Variants in PHC3 observed in about 807,000 individuals in gnomAD.
The protein encoded by PHC3 is polyhomeotic-like protein 3.
PHC3 carries 13 observed loss-of-function variants against 107.4 expected under a neutral mutation model. That is an observed-to-expected ratio of 0.12 (90% CI 0.08 to 0.19). PHC3 has a LOEUF of 0.19. PHC3 is among the 10% of genes least tolerant of loss of function. The pLI is 1.00. For missense variants in PHC3, 992 were observed against 1,210.9 expected (o/e 0.82, Z 2.68); for synonymous variants, 456 against 427.4 (o/e 1.07, Z -0.83).
intron 9 of PHC3, 59 bp from the exon 10 acceptor site, chr3:170,117,535 G>A: frequency 6.6e-7 from 1 of 1,517,058 alleles, no homozygotes; most frequent in Non-Finnish European, 8.9e-7. Context: ...CCAAGCAAAT[G>A]AAAGAGAATT....
intron 4 of PHC3, chr3:170,169,818 TAAAG>T (rs1729310059): frequency 6.6e-6 from 1 of 152,202 alleles, no homozygotes; most frequent in South Asian, 2.1e-4. Context: ...TTTCACAGAA[TAAAG>T]AATTTGTCTA....
intron 4 of PHC3, among the ~76,000 whole-genome samples, chr3:170,167,751 C>T (rs1577248587): frequency 7.9e-6 from 1 of 126,886 alleles, no homozygotes; most frequent in East Asian, 2.4e-4. Context: ...CAGAGCAAGG[C>T]TTCATCTCAA....
intron 4 of PHC3, among the ~76,000 whole-genome samples, chr3:170,162,082 G>A (rs896882350): frequency 2.0e-5 from 3 of 152,158 alleles, no homozygotes; most frequent in African/African-American, 7.2e-5. Context: ...TTGGCAGGCA[G>A]GGAAGTTAAA....
intron 2 of PHC3, among the ~76,000 whole-genome samples, chr3:170,172,989 A>G (rs1388524338): frequency 1.3e-5 from 2 of 152,034 alleles, no homozygotes; most frequent in African/African-American, 2.4e-5. Flanking sequence ...TCAGGAGATC[A>G]AGACCATCCT....
At chr3:170,159,575 T>C (rs1727519026) in intron 4 of PHC3, among the ~76,000 whole-genome samples, 2 of 152,204 alleles carry the variant, frequency 1.3e-5, no homozygotes, top group South Asian at 4.1e-4. Flanking sequence ...CGTGGATTTG[T>C]TCAGTTTCAC....
At chr3:170,103,577 A>G (rs73030642) in intron 12 of PHC3, among the ~76,000 whole-genome samples, 3,800 of 152,322 alleles carry the variant, frequency 0.025, 143 homozygotes, top group African/African-American at 0.086. Context: ...ATAGACCTTT[A>G]TAAGACATGA....
chr3:170,161,866 C>T (rs145912789), intron 4 of PHC3, among the ~76,000 whole-genome samples: 1,861 of 152,320 alleles, frequency 0.012, 38 homozygotes, highest in African/African-American at 0.042. Flanking sequence ...CAGGGCTCCA[C>T]TCTTATGACT....
At chr3:170,111,301 G>GAAC (rs1717627869) in intron 11 of PHC3, among the ~76,000 whole-genome samples, 3 of 130,988 alleles carry the variant, frequency 2.3e-5, no homozygotes, top group Admixed American at 7.9e-5. Flanking sequence ...AAGGAAGGAA[G>GAAC]GAAGGAAGGA....
At chr3:170,102,213 C>A (rs553278653) in intron 14 of PHC3, 1 of 985,366 alleles carries the variant, frequency 1.0e-6, no homozygotes, top group African/African-American at 1.7e-5. Context: ...GAAGAAAGCA[C>A]CTTTAATATC....
chr3:170,102,243 C>G, intron 14 of PHC3: 1 of 985,374 alleles, frequency 1.0e-6, no homozygotes, highest in Non-Finnish European at 1.2e-6. Context: ...TGAGGTGTCA[C>G]AGCAGAAGCA....
chr3:170,157,868 T>G (rs1260316933), intron 4 of PHC3, among the ~76,000 whole-genome samples: 3 of 151,586 alleles, frequency 2.0e-5, no homozygotes, highest in Non-Finnish European at 4.4e-5. Context: ...TAACTAAAAA[T>G]ATATACAAAT....
At chr3:170,137,012 A>G (rs574943989) in intron 6 of PHC3, among the ~76,000 whole-genome samples, 2 of 152,308 alleles carry the variant, frequency 1.3e-5, no homozygotes, top group East Asian at 3.9e-4. Flanking sequence ...ATATATATAT[A>G]CAGACAGTGT....
chr3:170,094,128 C>T lies in PHC3; in HGVS notation c.*3102G>A, dbSNP rs1473549103. 2 of 152,150 alleles carry T rather than the reference C, an allele frequency of 1.3e-5. No homozygotes were observed. Among genetic ancestry groups the T allele is most frequent in the African/African-American group, 4.8e-5 (2 of 41,428 alleles). 9.4% of individuals were successfully genotyped at this position (152,150 alleles called of 1,614,324 possible). ...AGCATTCAACAGCAAAGTAACAGGA[C>T]CATCAGGGAAATAATATGCTACTTA... On this transcript the variant is annotated 3_prime_UTR_variant, in exon 15 of 15. Coordinates refer to ENST00000495893, the MANE Select transcript of PHC3 (RefSeq NM_024947.4).
intron 5 of PHC3, chr3:170,147,524 C>T (rs1258868970): frequency 6.6e-6 from 1 of 152,276 alleles, no homozygotes; most frequent in South Asian, 2.1e-4. Flanking sequence ...AAAATAGCTG[C>T]ATCTGCATTG....
intron 4 of PHC3, 142 bp from the exon 5 acceptor site, chr3:170,149,386 C>A: frequency 1.5e-6 from 1 of 664,044 alleles, no homozygotes. Flanking sequence ...CTTTGACAGA[C>A]CCCCTCATTT....
chr3:170,151,189 C>A (rs1725910347), intron 4 of PHC3, among the ~76,000 whole-genome samples: 1 of 152,058 alleles, frequency 6.6e-6, no homozygotes, highest in Non-Finnish European at 1.5e-5. Context: ...CCAGCCTGGG[C>A]AACAGAGCGA....
rs1473574809 is a variant in PHC3, at chr3:170,181,720, TCTC to T, written c.-8_-6del. The T allele has an allele frequency of 6.2e-7, 1 of 1,612,678 alleles. No individual in the cohort carries two copies. Among genetic ancestry groups the T allele is most frequent in the Non-Finnish European group, 8.5e-7 (1 of 1,179,774 alleles). ...CACTCACTCCGCTTCCGCCATCTTC[TCTC>T]CTCCATCACTAACATGGGCTGCGCA... is the stretch of plus-strand genomic sequence containing the variant. On this transcript the variant is annotated 5_prime_UTR_variant, in exon 1 of 15. Coordinates refer to ENST00000495893, the MANE Select transcript of PHC3 (RefSeq NM_024947.4).
intron 7 of PHC3, among the ~76,000 whole-genome samples, chr3:170,130,472 A>G (rs1013239518): frequency 6.6e-6 from 1 of 152,202 alleles, no homozygotes; most frequent in African/African-American, 2.4e-5. Context: ...ACGTGTGTGA[A>G]TCCTGTAGCA....
rs758598023 is a variant in PHC3 at position 170,097,229 on chromosome 3, G to A, written c.*1C>T. On this transcript the variant is annotated 3_prime_UTR_variant, in exon 15 of 15. Coordinates refer to ENST00000495893, the MANE Select transcript of PHC3 (RefSeq NM_024947.4). The surrounding 1 kb of genome is among the most constrained non-coding windows in gnomAD (Gnocchi z 4.1). The stretch of plus-strand genomic sequence containing the variant: ...TGTTTTATCAAGGCTTCATGTTCCT[G>A]TTAAGATTCCTTCAGAGAGTTGATG... The A allele has an allele frequency of 3.1e-6, 5 of 1,598,792 alleles. No individual in the cohort carries two copies. The highest frequency in any genetic ancestry group is 4.3e-6 in the Non-Finnish European group (5 of 1,169,914).
Sources: allele counts gnomAD v4.1 joint callset (sites outside exome capture counted in the v4.1 genomes callset), GRCh38; gene constraint gnomAD v4.1.1; non-coding constraint Gnocchi (gnomAD v3.1); transcripts MANE v1.5; gene names NCBI Gene and HGNC (gene_info 2026-07-23, HGNC 2026-07-21).